DOK6: variants seen among roughly 807,000 people sequenced by gnomAD.
DOK6 encodes the protein docking protein 6.
In DOK6, 22 loss-of-function variants were observed where a neutral mutation model predicts 44.0. The observed-to-expected ratio is 0.50, with a 90% CI of 0.36 to 0.71. DOK6 has a LOEUF of 0.71. Among genes scored for constraint, DOK6 ranks in the 30% least tolerant of loss-of-function variants. DOK6 has a pLI of 0.00. For synonymous variants in DOK6, 166 were observed against 145.5 expected, an observed-to-expected ratio of 1.14 and a Z score of -1.01; for missense variants, 340 against 416.4, an observed-to-expected ratio of 0.82 and a Z score of 1.60.
At chr18:69,547,625 G>A (rs1445327433) in intron 1 of DOK6, among the ~76,000 whole-genome samples, 2 of 151,258 alleles carry the variant, frequency 1.3e-5, no homozygotes, top group Non-Finnish European at 3.0e-5. Context: ...ACCCTACTCT[G>A]CTATCTAACG....
chr18:69,483,576 C>T (rs1306850806), intron 1 of DOK6: 1 of 152,146 alleles, frequency 6.6e-6, no homozygotes, highest in South Asian at 2.1e-4. Flanking sequence ...CTGCTGATTT[C>T]CTCTCTAGTC....
intron 3 of DOK6, among the ~76,000 whole-genome samples, chr18:69,672,707 A>AGG (rs577008877): frequency 0.011 from 799 of 73,626 alleles, 2 homozygotes; most frequent in Admixed American, 0.025. Context: ...AAAAAAAAAA[A>AGG]GGGGGGGGTG....
At chr18:69,769,472 G>A in intron 7 of DOK6, among the ~76,000 whole-genome samples, 1 of 152,038 alleles carries the variant, frequency 6.6e-6, no homozygotes, top group East Asian at 1.9e-4. Context: ...ATGATGAGTT[G>A]AAACTTTTCT....
intron 4 of DOK6, among the ~76,000 whole-genome samples, chr18:69,691,329 A>G (rs1027804127): frequency 1.1e-4 from 16 of 152,336 alleles, no homozygotes; most frequent in Middle Eastern, 3.4e-3. Context: ...AGACATAAAG[A>G]TAATTCATTG....
chr18:69,771,422 G>C (rs1268480381), intron 7 of DOK6, among the ~76,000 whole-genome samples: 1 of 151,966 alleles, frequency 6.6e-6, no homozygotes, highest in Non-Finnish European at 1.5e-5. Flanking sequence ...CTATTGTTTA[G>C]CATGCTGTAC....
chr18:69,545,606 T>C (rs1417060209), intron 1 of DOK6, among the ~76,000 whole-genome samples: 1 of 150,928 alleles, frequency 6.6e-6, no homozygotes, highest in Non-Finnish European at 1.5e-5. Flanking sequence ...TTGCCCATTA[T>C]GAATTTTACA....
intron 7 of DOK6, among the ~76,000 whole-genome samples, chr18:69,766,566 A>G (rs917387615): frequency 1.3e-5 from 2 of 152,206 alleles, no homozygotes; most frequent in Non-Finnish European, 2.9e-5. Context: ...ACAATAAAGA[A>G]GTAAGCTAGA....
intron 7 of DOK6, among the ~76,000 whole-genome samples, chr18:69,794,045 A>C (rs1350739297): frequency 2.6e-5 from 4 of 152,166 alleles, no homozygotes; most frequent in African/African-American, 7.2e-5. Context: ...ATGAATACTC[A>C]GAGTGATAAA....
intron 1 of DOK6, among the ~76,000 whole-genome samples, chr18:69,500,272 T>G (rs1410351269): frequency 6.6e-6 from 1 of 152,154 alleles, no homozygotes; most frequent in African/African-American, 2.4e-5. Context: ...CTTGGACACA[T>G]CAAATAAATA....
chr18:69,655,971 G>C (rs1445611035), intron 3 of DOK6, among the ~76,000 whole-genome samples: 1 of 151,686 alleles, frequency 6.6e-6, no homozygotes, highest in Non-Finnish European at 1.5e-5. Flanking sequence ...AGTCAAAATG[G>C]TAATTGCTGA....
At chr18:69,467,497 T>C (rs1054943718) in intron 1 of DOK6, among the ~76,000 whole-genome samples, 84 of 152,298 alleles carry the variant, frequency 5.5e-4, no homozygotes, top group African/African-American at 2.0e-3. Context: ...TTTAGGTTTA[T>C]GTGAAACATA....
At chr18:69,664,930 G>A (rs146743081) in intron 3 of DOK6, among the ~76,000 whole-genome samples, 20 of 152,280 alleles carry the variant, frequency 1.3e-4, no homozygotes, top group African/African-American at 4.6e-4. Context: ...TGTAATCCCA[G>A]CACTTTGGGG....
chr18:69,837,370 A>T (rs1982083769), intron 7 of DOK6, among the ~76,000 whole-genome samples: 1 of 151,986 alleles, frequency 6.6e-6, no homozygotes, highest in South Asian at 2.1e-4. Context: ...GTCATAATTA[A>T]CCCACTTCGG....
intron 1 of DOK6, among the ~76,000 whole-genome samples, chr18:69,439,366 T>C (rs1025575104): frequency 2.6e-5 from 4 of 152,196 alleles, no homozygotes; most frequent in African/African-American, 9.7e-5. Flanking sequence ...CCAGTTGCAT[T>C]AACCTCTAAC....
intron 1 of DOK6, among the ~76,000 whole-genome samples, chr18:69,526,952 A>T (rs1285320773): frequency 6.6e-6 from 1 of 152,194 alleles, no homozygotes; most frequent in East Asian, 1.9e-4. Flanking sequence ...TATCACATGG[A>T]TCATTCGATC....
chr18:69,699,141 CAT>C (rs2144703709), intron 5 of DOK6, among the ~76,000 whole-genome samples: 1 of 152,200 alleles, frequency 6.6e-6, no homozygotes, highest in East Asian at 1.9e-4. Context: ...CGGATTTAGA[CAT>C]AAACTACAAC....
Position 69,621,202 on chromosome 18 carries a change from G to A in DOK6, c.289+21704G>A, listed in dbSNP as rs1042102356. 1.2e-4 allele frequency among the ~76,000 whole-genome samples: 19 copies of A among 152,158 alleles called. 1 individual carries two copies. The highest frequency in any genetic ancestry group is 4.6e-4 in the African/African-American group (19 of 41,508). ...ACCAACTGCCTAGGTTTAAATCCTG[G>A]CTCTCCATGTCCTAGTGATAAGGTT... is the stretch of plus-strand genomic sequence containing the variant. On this transcript the variant is annotated intron_variant, in intron 3 of 7. Transcript: ENST00000382713.
intron 7 of DOK6, among the ~76,000 whole-genome samples, chr18:69,832,151 G>A (rs1981918120): frequency 6.6e-6 from 1 of 152,116 alleles, no homozygotes; most frequent in Non-Finnish European, 1.5e-5. Context: ...CATTCAGTAT[G>A]ATACTAGCTG....
chr18:69,406,606 A>C (rs953115766), intron 1 of DOK6, among the ~76,000 whole-genome samples: 1 of 152,190 alleles, frequency 6.6e-6, no homozygotes, highest in East Asian at 1.9e-4. Flanking sequence ...GAAAACAAAG[A>C]TAATACTCAG....
Sources: allele counts gnomAD v4.1 joint callset (sites outside exome capture counted in the v4.1 genomes callset), GRCh38; gene constraint gnomAD v4.1.1; transcripts MANE v1.5; gene names NCBI Gene and HGNC (gene_info 2026-07-23, HGNC 2026-07-21).